ROBO1: variants seen among roughly 807,000 people sequenced by gnomAD.
The protein encoded by ROBO1 is roundabout guidance receptor 1.
In ROBO1, 149 loss-of-function variants were observed where a neutral mutation model predicts 195.9. The observed-to-expected ratio is 0.76, with a 90% confidence interval of 0.67 to 0.87. The LOEUF (loss-of-function observed/expected upper bound fraction) is 0.87. ROBO1 is among the 40% of genes least tolerant of loss of function. The pLI, the probability that ROBO1 is intolerant of heterozygous loss-of-function variation, is 0.00. For synonymous variants in ROBO1, 816 were observed against 733.2 expected, an observed-to-expected ratio of 1.11 and a Z score of -1.82; for missense variants, 1,933 against 2,068.3, an observed-to-expected ratio of 0.93 and a Z score of 1.27.
At chr3:79,403,651 C>A (rs1458869877) in intron 2 of ROBO1, among the ~76,000 whole-genome samples, 1 of 151,876 alleles carries the variant, frequency 6.6e-6, no homozygotes, top group African/African-American at 2.4e-5. Context: ...GTTCAAATCA[C>A]TAATTTTAAA....
chr3:78,972,628 T>C (rs764047029), intron 3 of ROBO1, among the ~76,000 whole-genome samples: 2 of 152,234 alleles, frequency 1.3e-5, no homozygotes, highest in Non-Finnish European at 2.9e-5. Flanking sequence ...ATTAAAATCA[T>C]TCATTCCCCC....
At chr3:78,873,740 G>A (rs1188911206) in intron 4 of ROBO1, among the ~76,000 whole-genome samples, 2 of 152,050 alleles carry the variant, frequency 1.3e-5, no homozygotes, top group Admixed American at 1.3e-4. Context: ...AAAAGTTGAA[G>A]AGTTAATGAA....
At chr3:78,940,839 T>C (rs2107698913) in intron 3 of ROBO1, among the ~76,000 whole-genome samples, 1 of 152,314 alleles carries the variant, frequency 6.6e-6, no homozygotes, top group East Asian at 1.9e-4. Flanking sequence ...CAGAGTGCTG[T>C]GCACATTACA....
chr3:79,037,740 T>C (rs1323205451), intron 3 of ROBO1, among the ~76,000 whole-genome samples: 1 of 152,184 alleles, frequency 6.6e-6, no homozygotes, highest in Non-Finnish European at 1.5e-5. Flanking sequence ...CATAAAAATG[T>C]GTGAAGTTAT....
At chr3:79,577,868 C>T (rs895971075) in intron 2 of ROBO1, among the ~76,000 whole-genome samples, 8 of 151,708 alleles carry the variant, frequency 5.3e-5, no homozygotes, top group African/African-American at 1.9e-4. Context: ...GCGGAGAGCG[C>T]GCCACCGCCC....
At chr3:79,383,819 G>T (rs1393904985) in intron 2 of ROBO1, among the ~76,000 whole-genome samples, 2 of 151,930 alleles carry the variant, frequency 1.3e-5, no homozygotes, top group African/African-American at 4.8e-5. Flanking sequence ...GTCTGGGCAG[G>T]TCAGATACCT....
chr3:78,916,580 A>C (rs981849425), intron 4 of ROBO1, among the ~76,000 whole-genome samples: 7 of 151,958 alleles, frequency 4.6e-5, no homozygotes, highest in Non-Finnish European at 1.0e-4. Context: ...AAAAGAAAAA[A>C]ATGGAATTAG....
chr3:79,690,771 T>G (rs1947275883), intron 1 of ROBO1, among the ~76,000 whole-genome samples: 1 of 151,976 alleles, frequency 6.6e-6, no homozygotes, highest in Admixed American at 6.6e-5. Flanking sequence ...CTTATTCACT[T>G]AATGAATATT....
At chr3:79,624,707 T>C (rs1301317358) in intron 1 of ROBO1, among the ~76,000 whole-genome samples, 1 of 151,972 alleles carries the variant, frequency 6.6e-6, no homozygotes, top group Non-Finnish European at 1.5e-5. Context: ...AACAAGTTCT[T>C]AGAGACCTAT....
chr3:79,039,322 C>G (rs528081086), intron 3 of ROBO1, among the ~76,000 whole-genome samples: 4 of 152,220 alleles, frequency 2.6e-5, no homozygotes, highest in Admixed American at 6.5e-5. Context: ...ACAGAAAGCC[C>G]TTACATTTTC....
intron 3 of ROBO1, among the ~76,000 whole-genome samples, chr3:79,098,146 T>G (rs2079605638): frequency 6.6e-6 from 1 of 151,778 alleles, no homozygotes; most frequent in African/African-American, 2.4e-5. Context: ...ACAGATGAGA[T>G]TTATAGGCTG....
intron 3 of ROBO1, among the ~76,000 whole-genome samples, chr3:79,092,319 A>G (rs1242707428): frequency 2.0e-5 from 3 of 152,108 alleles, no homozygotes; most frequent in African/African-American, 7.2e-5. Flanking sequence ...CTAATTGAGA[A>G]ACAGAAGTTC....
chr3:78,780,468 A>G (rs1287743953), intron 4 of ROBO1, among the ~76,000 whole-genome samples: 8 of 151,460 alleles, frequency 5.3e-5, no homozygotes, highest in African/African-American at 1.9e-4. Context: ...TTTTTTTTTC[A>G]TTCCATATAC....
intron 3 of ROBO1, among the ~76,000 whole-genome samples, chr3:78,994,921 C>T (rs1425632108): frequency 6.6e-6 from 1 of 152,120 alleles, no homozygotes; most frequent in African/African-American, 2.4e-5. Flanking sequence ...CAAGAATTCA[C>T]ATCGTGTGTT....
intron 19 of ROBO1, among the ~76,000 whole-genome samples, chr3:78,648,995 G>A (rs1261756831): frequency 6.6e-6 from 1 of 151,892 alleles, no homozygotes; most frequent in Non-Finnish European, 1.5e-5. Context: ...TTTATACCCT[G>A]GCCTTCGTGT....
chr3:79,070,826 GTCTT>G (rs1348085039), intron 3 of ROBO1, among the ~76,000 whole-genome samples: 1 of 151,414 alleles, frequency 6.6e-6, no homozygotes, highest in African/African-American at 2.4e-5. Context: ...GTTTTTTACT[GTCTT>G]TCTATCTTTA....
At chr3:79,081,353 T>C (rs2079271810) in intron 3 of ROBO1, among the ~76,000 whole-genome samples, 1 of 152,130 alleles carries the variant, frequency 6.6e-6, no homozygotes. Flanking sequence ...CAGATGGCTG[T>C]CAGTGGTGGT....
intron 1 of ROBO1, among the ~76,000 whole-genome samples, chr3:79,601,592 A>C (rs1396785985): frequency 6.6e-6 from 1 of 151,990 alleles, no homozygotes; most frequent in Non-Finnish European, 1.5e-5. Context: ...ACATGTATGC[A>C]ACTGAACTAA....
intron 2 of ROBO1, among the ~76,000 whole-genome samples, chr3:79,260,179 A>C (rs1298256519): frequency 6.6e-6 from 1 of 151,840 alleles, no homozygotes. Flanking sequence ...AATCTAATTT[A>C]AAACTGTCCT....
Sources: allele counts gnomAD v4.1 joint callset (sites outside exome capture counted in the v4.1 genomes callset), GRCh38; gene constraint gnomAD v4.1.1; transcripts MANE v1.5; gene names NCBI Gene and HGNC (gene_info 2026-07-23, HGNC 2026-07-21).